ADGRV1: variants seen among roughly 807,000 people sequenced by gnomAD.
The protein encoded by ADGRV1 is G-protein coupled receptor 98.
In ADGRV1, 359 loss-of-function variants were observed where a neutral mutation model predicts 596.2. The ratio of observed to expected loss-of-function variants is 0.60; its 90% CI spans 0.55 to 0.66. The LOEUF is 0.66. ADGRV1 is among the 30% of genes least tolerant of loss of function. The pLI, the probability that ADGRV1 is intolerant of heterozygous loss-of-function variation, is 0.00. For missense variants in ADGRV1, 7,274 were observed against 7,575.6 expected, an observed-to-expected ratio of 0.96 and a Z score of 1.48; for synonymous variants, 2,681 against 2,679.2, an observed-to-expected ratio of 1.00 and a Z score of -0.02.
chr5:90,727,051 T>A (rs1434741993), intron 48 of ADGRV1, among the ~76,000 whole-genome samples: 1 of 152,202 alleles, frequency 6.6e-6, no homozygotes, highest in Non-Finnish European at 1.5e-5. Flanking sequence ...ACTCAGTTGC[T>A]TAGGACAGAA....
intron 85 of ADGRV1, among the ~76,000 whole-genome samples, chr5:91,023,693 C>T (rs1347647125): frequency 2.0e-5 from 3 of 152,070 alleles, no homozygotes; most frequent in Admixed American, 1.3e-4. Flanking sequence ...GCAGGGAACT[C>T]AGGGTCCTAG....
At chr5:90,992,021 A>C (rs918228882) in intron 85 of ADGRV1, among the ~76,000 whole-genome samples, 1 of 152,268 alleles carries the variant, frequency 6.6e-6, no homozygotes, top group African/African-American at 2.4e-5. Flanking sequence ...GTGCACATGC[A>C]CACGCATACA....
intron 77 of ADGRV1, among the ~76,000 whole-genome samples, chr5:90,836,611 T>C (rs1202501901): frequency 6.6e-6 from 1 of 152,182 alleles, no homozygotes; most frequent in African/African-American, 2.4e-5. Flanking sequence ...CTGTAGAAGT[T>C]AACATGCAGA....
intron 86 of ADGRV1, among the ~76,000 whole-genome samples, chr5:91,100,829 G>A (rs148841892): frequency 1.3e-5 from 2 of 152,264 alleles, no homozygotes; most frequent in African/African-American, 4.8e-5. Context: ...CATCCCTTCT[G>A]TGATTTCTAA....
intron 87 of ADGRV1, among the ~76,000 whole-genome samples, chr5:91,131,769 T>A (rs142812080): frequency 4.7e-4 from 71 of 152,340 alleles, no homozygotes; most frequent in African/African-American, 1.7e-3. Flanking sequence ...TGATAGATTC[T>A]TTTGCTATAT....
At chr5:90,746,272 T>C (rs1037077056) in intron 52 of ADGRV1, among the ~76,000 whole-genome samples, 2 of 149,882 alleles carry the variant, frequency 1.3e-5, no homozygotes, top group African/African-American at 4.9e-5. Flanking sequence ...GAGAGGGTTG[T>C]AATTATATGT....
chr5:90,802,918 A>C, intron 71 of ADGRV1, 36 bp downstream of exon 71: 2 of 1,541,124 alleles, frequency 1.3e-6, no homozygotes, highest in East Asian at 2.3e-5. Context: ...TCAGCAGAAC[A>C]CTAGAGGGCA....
At chr5:90,769,766 TA>T (rs1454729544) in intron 59 of ADGRV1, among the ~76,000 whole-genome samples, 3 of 152,194 alleles carry the variant, frequency 2.0e-5, no homozygotes, top group Non-Finnish European at 4.4e-5. Context: ...TATATACATT[TA>T]AAAAATTTTG....
intron 83 of ADGRV1, among the ~76,000 whole-genome samples, chr5:90,928,683 G>A (rs7737353): frequency 0.66 from 96,410 of 146,014 alleles, 31,911 homozygotes; most frequent in East Asian, 0.79. Flanking sequence ...GAGGAACTGC[G>A]TTCCTTTGGA....
chr5:91,159,454 A>C (rs879882400), intron 89 of ADGRV1, among the ~76,000 whole-genome samples: 3 of 152,244 alleles, frequency 2.0e-5, no homozygotes, highest in Admixed American at 6.5e-5. Context: ...CCCATAAAAC[A>C]GTCATGGACT....
At chr5:90,868,122 C>T (rs1039157685) in intron 83 of ADGRV1, among the ~76,000 whole-genome samples, 5 of 152,020 alleles carry the variant, frequency 3.3e-5, no homozygotes, top group African/African-American at 7.2e-5. Flanking sequence ...GGCGGGTTTC[C>T]GGATCCTACT....
At position 90,628,745 on chromosome 5, in the gene ADGRV1, T is replaced by A; in HGVS notation, c.1422T>A (p.Asp474Glu). 1.9e-6 allele frequency: 3 copies of A among 1,614,028 alleles called. No homozygotes were observed. Among genetic ancestry groups the A allele is most frequent in the Non-Finnish European group, 2.5e-6 (3 of 1,179,886 alleles). Residue 474 changes from aspartate (D) to glutamate (E), a missense_variant, in exon 8 of 90, where the codon GAT becomes GAA. Physicochemically the swap from Asp to Glu is conservative, Grantham distance 45. Transcript: ENST00000405460. ...LATIPLTVVD[D>E]DLPEEAEAYL... ...CAATTCCTCTTACTGTGGTTGATGA[T>A]GATCTTCCAGAAGAGGCAGAAGCTT... is the stretch of plus-strand genomic sequence containing the variant.
At position 90,705,715 on chromosome 5, in the gene ADGRV1, A is replaced by G. The variant is rs375995703; in HGVS notation, c.8566+136A>G. On this transcript the variant is annotated intron_variant, in intron 37 of 89. Coordinates refer to ENST00000405460, the MANE Select transcript of ADGRV1 (RefSeq NM_032119.4). ...ATTTCTTCATTCAGGACAGAACTTT[A>G]TAACTTCTTTATCTTTGAAAAGATT... 2.0e-5 allele frequency: 13 copies of G among 661,112 alleles called. No individual in the cohort carries two copies. The East Asian group carries it at 3.0e-4, about 15-fold the overall frequency. 41.0% of individuals were successfully genotyped at this position (661,112 alleles called of 1,614,324 possible).
At chr5:90,834,002 G>A (rs539451511) in intron 77 of ADGRV1, among the ~76,000 whole-genome samples, 53 of 152,230 alleles carry the variant, frequency 3.5e-4, no homozygotes, top group African/African-American at 1.3e-3. Context: ...TAACAAACAA[G>A]CAAAGAGGAA....
chr5:90,687,562 G>A (rs1277328437), intron 29 of ADGRV1, among the ~76,000 whole-genome samples: 1 of 152,150 alleles, frequency 6.6e-6, no homozygotes, highest in Non-Finnish European at 1.5e-5. Context: ...AATTAGGCAG[G>A]AGAATGACAT....
intron 1 of ADGRV1, among the ~76,000 whole-genome samples, chr5:90,609,708 A>G (rs1292906015): frequency 6.6e-6 from 1 of 151,978 alleles, no homozygotes. Context: ...TTCCTTTAGG[A>G]TCATATTTTC....
intron 59 of ADGRV1, among the ~76,000 whole-genome samples, chr5:90,770,328 G>A (rs536812608): frequency 3.9e-5 from 6 of 152,126 alleles, no homozygotes; most frequent in East Asian, 3.9e-4. Flanking sequence ...AACACCTCCC[G>A]CCAGGTCCCT....
chr5:90,953,248 G>A (rs1777196672), intron 83 of ADGRV1, among the ~76,000 whole-genome samples: 1 of 152,148 alleles, frequency 6.6e-6, no homozygotes, highest in Non-Finnish European at 1.5e-5. Flanking sequence ...TCATTGGTTA[G>A]CTGTCAGACC....
At chr5:90,674,915 G>A (rs1773004861) in intron 23 of ADGRV1, among the ~76,000 whole-genome samples, 2 of 152,072 alleles carry the variant, frequency 1.3e-5, no homozygotes, top group African/African-American at 4.8e-5. Flanking sequence ...GATTTCTGGA[G>A]AGTCTAAAAA....
Sources: allele counts gnomAD v4.1 joint callset (sites outside exome capture counted in the v4.1 genomes callset), GRCh38; gene constraint gnomAD v4.1.1; transcripts MANE v1.5; gene names NCBI Gene and HGNC (gene_info 2026-07-23, HGNC 2026-07-21).